KDM1A: variants seen among roughly 807,000 people sequenced by gnomAD.
The protein encoded by KDM1A is lysine demethylase 1A.
In KDM1A, 49 loss-of-function variants were observed where a neutral mutation model predicts 109.4. The ratio of observed to expected loss-of-function variants is 0.45; its 90% confidence interval spans 0.36 to 0.57. KDM1A has a LOEUF of 0.57. KDM1A is among the 20% of genes least tolerant of loss of function. The pLI is 0.00. For missense variants in KDM1A, 668 were observed against 1,116.6 expected, an observed-to-expected ratio of 0.60 and a Z score of 5.73; for synonymous variants, 380 against 415.4, an observed-to-expected ratio of 0.91 and a Z score of 1.04.
intron 2 of KDM1A, among the ~76,000 whole-genome samples, chr1:23,035,007 T>A (rs998221203): frequency 1.3e-5 from 2 of 152,182 alleles, no homozygotes; most frequent in Non-Finnish European, 2.9e-5. Flanking sequence ...ATTGGTTAAC[T>A]CTTCAAATAG....
Position 23,080,720 on chromosome 1 carries a change from G to A in KDM1A, c.2171-726G>A, listed in dbSNP as rs149841755. ...GGGGTGCTGCTTCTCCCACCCCCTC[G>A]ACCCCCTTCCTTCCCAACCTGTCTT... On this transcript the variant is annotated intron_variant, in intron 18 of 20. Coordinates refer to ENST00000400181, the MANE Select transcript of KDM1A (RefSeq NM_001009999.3). 6.2e-3 allele frequency among the ~76,000 whole-genome samples: 948 copies of A among 151,990 alleles called. 9 individuals are homozygous for A. The highest frequency in any genetic ancestry group is 0.02 in the African/African-American group (809 of 41,436).
intron 4 of KDM1A, 27 bp from the exon 5 acceptor site, chr1:23,053,734 A>G (rs1200954983): frequency 1.4e-6 from 2 of 1,461,846 alleles, no homozygotes; most frequent in Non-Finnish European, 1.9e-6. Context: ...ATTTGTATGT[A>G]ATACAATTTA....
chr1:23,079,146 T>C lies in KDM1A; in HGVS notation c.2024T>C (p.Val675Ala). 6.2e-7 allele frequency: 1 copy of C among 1,614,122 alleles called. No homozygotes were observed. The highest frequency in any genetic ancestry group is 8.5e-7 in the Non-Finnish European group (1 of 1,180,006). The change falls in exon 17 of 21, where the codon GTC becomes GCC. Residue 675 changes from valine to alanine, a missense_variant. Val to Ala is a moderately conservative substitution (Grantham distance 64). Around this residue, in one of 8 missense-constraint regions of KDM1A, gnomAD observed 162 missense variants for 376.4 expected, o/e 0.43. Coordinates refer to ENST00000400181, the MANE Select transcript of KDM1A (RefSeq NM_001009999.3). The surrounding 1 kb of genome is among the most constrained non-coding windows in gnomAD (Gnocchi z 5.6). ...CTCCCTGAGTGGAAAACATCTGCAG[T>C]CCAAAGGATGGGATTTGGCAACCTT... Reference protein sequence around the residue: ...PPLPEWKTSAVQRMGFGNLNK... With the variant: ...PPLPEWKTSAAQRMGFGNLNK...
At chr1:23,036,632 T>TA (rs1037585893) in intron 2 of KDM1A, among the ~76,000 whole-genome samples, 1 of 152,054 alleles carries the variant, frequency 6.6e-6, no homozygotes, top group African/African-American at 2.4e-5. Flanking sequence ...TCAAGATAAA[T>TA]ACGCTATACA....
intron 14 of KDM1A, 79 bp from the exon 15 acceptor site, chr1:23,073,213 G>A: frequency 1.3e-6 from 1 of 767,564 alleles, no homozygotes; most frequent in Non-Finnish European, 2.3e-6. Flanking sequence ...TTCTGACACA[G>A]TTACTGAGAT....
chr1:23,071,266 A>G lies in KDM1A; in HGVS notation c.1455A>G (p.Gln485=). 1.2e-6 allele frequency: 2 copies of G among 1,606,722 alleles called. No individual in the cohort carries two copies. Among genetic ancestry groups the G allele is most frequent in the East Asian group, 2.2e-5 (1 of 44,840 alleles). The change falls in exon 13 of 21, where the codon CAA becomes CAG. Residue 485 remains glutamine, a synonymous_variant. Coordinates refer to ENST00000400181, the MANE Select transcript of KDM1A (RefSeq NM_001009999.3). ...AGAAAATTAAAGAACTCCATCAGCA[A>G]TACAAAGAAGCATCTGAAGTAAAGC... is the stretch of plus-strand genomic sequence containing the variant. ...LKEKIKELHQ[Q]YKEASEVKPP... is the part of the protein sequence containing the mutation.
chr1:23,029,017 T>C (rs182938947), intron 1 of KDM1A, among the ~76,000 whole-genome samples: 2 of 152,302 alleles, frequency 1.3e-5, no homozygotes, highest in Non-Finnish European at 2.9e-5. Flanking sequence ...ACTAGTCAGT[T>C]CATTCTTCTT....
intron 7 of KDM1A, among the ~76,000 whole-genome samples, 159 bp downstream of exon 7, chr1:23,056,197 C>CT (rs1055943761): frequency 7.1e-4 from 103 of 145,508 alleles, no homozygotes; most frequent in Admixed American, 9.6e-4. Context: ...TTTTAAAAAG[C>CT]TTTTTTTTTT....
At chr1:23,059,620 G>T (rs1421734878) in intron 9 of KDM1A, among the ~76,000 whole-genome samples, 1 of 152,126 alleles carries the variant, frequency 6.6e-6, no homozygotes, top group Non-Finnish European at 1.5e-5. Flanking sequence ...TTACTCACAT[G>T]CTTAGATAGG....
At chr1:23,061,013 A>G (rs1276830732) in intron 9 of KDM1A, among the ~76,000 whole-genome samples, 5 of 152,200 alleles carry the variant, frequency 3.3e-5, no homozygotes, top group Non-Finnish European at 5.9e-5. Context: ...AATGTAGAGC[A>G]GGTTGATTAA....
chr1:23,043,732 A>G (rs879904461), intron 2 of KDM1A, among the ~76,000 whole-genome samples: 1 of 152,196 alleles, frequency 6.6e-6, no homozygotes, highest in African/African-American at 2.4e-5. Flanking sequence ...CAGTGAGGAA[A>G]ATTTCTTAAC....
intron 2 of KDM1A, among the ~76,000 whole-genome samples, chr1:23,036,166 G>C (rs1277662042): frequency 6.6e-6 from 1 of 152,010 alleles, no homozygotes; most frequent in African/African-American, 2.4e-5. Context: ...TGCAAATGGA[G>C]CCAGAGAGAA....
intron 16 of KDM1A, among the ~76,000 whole-genome samples, chr1:23,077,911 T>G (rs189646655): frequency 6.8e-4 from 103 of 152,360 alleles, no homozygotes; most frequent in African/African-American, 2.4e-3. Context: ...GTTGACTTCT[T>G]CAGAGATAGA....
At chr1:23,045,166 A>G (rs533133887) in intron 3 of KDM1A, among the ~76,000 whole-genome samples, 1 of 152,308 alleles carries the variant, frequency 6.6e-6, no homozygotes, top group Admixed American at 6.5e-5. Context: ...ATCCAAAATA[A>G]CGTATCTGGA....
chr1:23,054,466 A>G (rs1642764692), intron 5 of KDM1A, among the ~76,000 whole-genome samples: 1 of 152,148 alleles, frequency 6.6e-6, no homozygotes, highest in Non-Finnish European at 1.5e-5. Flanking sequence ...TCACAGACTA[A>G]TAGTTCTAAG....
chr1:23,059,175 G>A lies in KDM1A; in HGVS notation c.1167+8G>A, dbSNP rs781213412. 3.2e-5 allele frequency: 52 copies of A among 1,604,790 alleles called. No individual in the cohort carries two copies. Among genetic ancestry groups the A allele is most frequent in the African/African-American group, 1.1e-4 (8 of 74,434 alleles). On this transcript the variant is annotated splice_region_variant and intron_variant, in intron 9 of 20. Coordinates refer to ENST00000400181, the MANE Select transcript of KDM1A (RefSeq NM_001009999.3). ...GAAGCCAACGGACAAGCTGTAAGTCGAGGACAAACAGAACTTTCAACATTT... is the reference window on the plus strand; with the variant it reads ...GAAGCCAACGGACAAGCTGTAAGTCAAGGACAAACAGAACTTTCAACATTT...
chr1:23,052,225 T>C (rs998899379), intron 4 of KDM1A, among the ~76,000 whole-genome samples: 7 of 152,228 alleles, frequency 4.6e-5, no homozygotes, highest in African/African-American at 1.7e-4. Context: ...AATCAACCTC[T>C]ACTGCAAGAA....
rs1336103070 is a variant in KDM1A, at chr1:23,019,765, G to C, written c.169G>C (p.Glu57Gln). Residue 57 changes from glutamate to glutamine, a missense_variant, in exon 1 of 21, where the codon GAG becomes CAG. Around this residue, in one of 8 missense-constraint regions of KDM1A, gnomAD observed 156 missense variants for 163.4 expected, o/e 0.95. Coordinates refer to ENST00000400181, the MANE Select transcript of KDM1A (RefSeq NM_001009999.3). ...CGAGGTCGGGCCGGGGGCGGTGGGG[G>C]AGCGCACACCCCGCAAGAAAGAGCC... ...PAEVGPGAVGERTPRKKEPPR... is the reference protein window; with the variant it reads ...PAEVGPGAVGQRTPRKKEPPR... The C allele has an allele frequency of 1.3e-5, 18 of 1,355,328 alleles. No individual in the cohort carries two copies. The highest frequency in any genetic ancestry group is 1.5e-5 in the African/African-American group (1 of 64,862). 84.0% of individuals were successfully genotyped at this position (1,355,328 alleles called of 1,614,324 possible).
intron 1 of KDM1A, among the ~76,000 whole-genome samples, chr1:23,020,795 A>G (rs978679354): frequency 1.3e-5 from 2 of 152,180 alleles, no homozygotes; most frequent in Non-Finnish European, 2.9e-5. Flanking sequence ...TAAAGTCACA[A>G]AGCTAAATAA....
Sources: allele counts gnomAD v4.1 joint callset (sites outside exome capture counted in the v4.1 genomes callset), GRCh38; gene constraint gnomAD v4.1.1; regional missense constraint gnomAD v4.1.1; non-coding constraint Gnocchi (gnomAD v3.1); transcripts MANE v1.5; gene names NCBI Gene and HGNC (gene_info 2026-07-23, HGNC 2026-07-21).